The following RAB9B variants were observed in gnomAD, a reference collection of about 807,000 sequenced individuals.
The protein encoded by RAB9B is ras-related protein Rab-9B.
Under a neutral mutation model 8.9 loss-of-function variants are expected in RAB9B, and 1 was observed. The observed-to-expected ratio is 0.11, with a 90% confidence interval of 0.04 to 0.53. RAB9B has a LOEUF of 0.53. RAB9B is among the 20% of genes least tolerant of loss of function. The probability of loss-of-function intolerance (pLI) is 0.93; values close to 1 mark genes in which losing one functional copy is unlikely to be tolerated. For synonymous variants in RAB9B, 63 were observed against 57.0 expected, an observed-to-expected ratio of 1.10 and a Z score of -0.47; for missense variants, 82 against 152.9, an observed-to-expected ratio of 0.54 and a Z score of 2.45.
At chrX:103,827,944 G>A (rs1263285357) in intron 1 of RAB9B, among the ~76,000 whole-genome samples, 1 of 112,210 alleles carries the variant, frequency 8.9e-6, no homozygotes, top group Non-Finnish European at 1.9e-5. Flanking sequence ...TGGGTTCACA[G>A]GCGTGAGCCG....
the RAB9B span, among the ~76,000 whole-genome samples, chrX:103,799,029 T>C: frequency 3.7e-5 from 4 of 109,417 alleles, no homozygotes; most frequent in Non-Finnish European, 7.6e-5. Context: ...TAAATATATA[T>C]ATATATAATT....
At chrX:103,818,344 C>G (rs993417484), downstream of RAB9B, among the ~76,000 whole-genome samples, 3 of 111,740 alleles carry the variant, frequency 2.7e-5, no homozygotes, top group Non-Finnish European at 3.8e-5. Flanking sequence ...GATAGTCTTC[C>G]TCTTATTCTA....
chrX:103,800,703 G>A, the RAB9B span, among the ~76,000 whole-genome samples: 3 of 111,903 alleles, frequency 2.7e-5, no homozygotes, highest in African/African-American at 6.5e-5. Flanking sequence ...GTATCTGCGT[G>A]AGAGACCTTG....
chrX:103,803,865 C>T, the RAB9B span, among the ~76,000 whole-genome samples: 1 of 112,704 alleles, frequency 8.9e-6, no homozygotes, highest in African/African-American at 3.2e-5. Flanking sequence ...CGTGAGCCAC[C>T]GCGTTTGGCC....
the RAB9B span, among the ~76,000 whole-genome samples, chrX:103,802,062 A>G: frequency 2.7e-4 from 30 of 111,189 alleles, no homozygotes; most frequent in African/African-American, 8.5e-4. Context: ...GTTAAAAAGT[A>G]CATAATACAT....
At chrX:103,789,374 G>A in the RAB9B span, 1 of 1,207,476 alleles carries the variant, frequency 8.3e-7, no homozygotes. Context: ...CATTTGTGGG[G>A]GCTGCAGCTA....
chrX:103,808,281 C>A, the RAB9B span, among the ~76,000 whole-genome samples: 4 of 111,798 alleles, frequency 3.6e-5, no homozygotes, highest in Non-Finnish European at 1.9e-5. Context: ...AAAATGGGGG[C>A]AACAACAGTA....
the RAB9B span, chrX:103,789,276 G>A: frequency 1.1e-5 from 9 of 823,681 alleles, no homozygotes; most frequent in South Asian, 1.6e-4. Context: ...ATGATTTACA[G>A]TGGAGCATAT....
At chrX:103,792,395 G>C in the RAB9B span, 3 of 112,224 alleles carry the variant, frequency 2.7e-5, no homozygotes, top group African/African-American at 6.5e-5. Flanking sequence ...GTTTTGTTTT[G>C]ATTTAATAAC....
chrX:103,830,608 CT>C (rs917044650), intron 1 of RAB9B, among the ~76,000 whole-genome samples: 67 of 108,775 alleles, frequency 6.2e-4, no homozygotes, highest in African/African-American at 1.6e-3. Flanking sequence ...AGTTTACTAA[CT>C]TTTTTTTTTC....
At chrX:103,800,111 A>G in the RAB9B span, among the ~76,000 whole-genome samples, 36 of 111,772 alleles carry the variant, frequency 3.2e-4, no homozygotes, top group Non-Finnish European at 3.8e-4. Context: ...TGTATTAAGG[A>G]CCATTTTTTA....
chrX:103,796,378 A>T, the RAB9B span, among the ~76,000 whole-genome samples: 1 of 111,628 alleles, frequency 9.0e-6, no homozygotes, highest in South Asian at 3.8e-4. Context: ...GCTGAGGAAC[A>T]AGAATGCTTG....
At chrX:103,818,318 G>A (rs373468141), downstream of RAB9B, among the ~76,000 whole-genome samples, 64 of 111,987 alleles carry the variant, frequency 5.7e-4, no homozygotes, top group African/African-American at 1.5e-3. Context: ...TAGTCCATAC[G>A]TTTGGGTGTT....
the RAB9B span, among the ~76,000 whole-genome samples, chrX:103,813,368 T>TA: frequency 9.0e-6 from 1 of 111,144 alleles, no homozygotes; most frequent in Admixed American, 9.7e-5. Flanking sequence ...AGAATTTTTC[T>TA]AAAAAACCTG....
chrX:103,817,396 C>T (rs550708316), downstream of RAB9B, among the ~76,000 whole-genome samples: 146 of 110,264 alleles, frequency 1.3e-3, 3 homozygotes, highest in South Asian at 0.057. Context: ...CACGTGGACA[C>T]AGGGAGGGGA....
At chrX:103,776,903 A>G in the RAB9B span, 9 of 838,315 alleles carry the variant, frequency 1.1e-5, no homozygotes, top group East Asian at 2.8e-4. Context: ...CCGAAGAAGG[A>G]GGCTGGAGAG....
chrX:103,806,711 A>G, the RAB9B span, among the ~76,000 whole-genome samples: 1 of 111,515 alleles, frequency 9.0e-6, no homozygotes, highest in East Asian at 2.8e-4. Context: ...AACTATTATT[A>G]TTGTTGAATT....
the RAB9B span, chrX:103,789,282 C>A: frequency 1.2e-6 from 1 of 844,754 alleles, no homozygotes; most frequent in Non-Finnish European, 1.8e-6. Flanking sequence ...TACAGTGGAG[C>A]ATATTACTGC....
the RAB9B span, among the ~76,000 whole-genome samples, chrX:103,805,709 A>G: frequency 9.0e-6 from 1 of 110,826 alleles, no homozygotes; most frequent in Non-Finnish European, 1.9e-5. Context: ...TGTTTATTTC[A>G]TTTAAATTAT....
Sources: gnomAD v4.1 joint callset for allele counts (sites outside exome capture counted in the v4.1 genomes callset) on GRCh38, gnomAD v4.1.1 for gene constraint, MANE v1.5 for transcripts, NCBI Gene and HGNC (gene_info 2026-07-23, HGNC 2026-07-21) for gene names.